The following VCAN variants were observed in gnomAD, a reference collection of about 807,000 sequenced individuals.
The protein encoded by VCAN is versican core protein.
VCAN carries 44 observed loss-of-function variants against 245.5 expected under a neutral mutation model. The ratio of observed to expected loss-of-function variants is 0.18; its 90% CI spans 0.14 to 0.23. VCAN has a LOEUF of 0.23. VCAN is among the 10% of genes least tolerant of loss of function. The probability of loss-of-function intolerance (pLI) is 1.00; values close to 1 mark genes in which losing one functional copy is unlikely to be tolerated. For missense variants in VCAN, 3,793 were observed against 4,057.9 expected (o/e 0.93, Z 1.77); for synonymous variants, 1,413 against 1,437.0 (o/e 0.98, Z 0.38).
intron 12 of VCAN, among the ~76,000 whole-genome samples, chr5:83,559,832 G>A (rs1291903626): frequency 2.6e-5 from 4 of 152,088 alleles, no homozygotes; most frequent in Non-Finnish European, 1.5e-5. Flanking sequence ...ATGATCATCA[G>A]TATACACACA....
intron 12 of VCAN, among the ~76,000 whole-genome samples, chr5:83,562,961 A>G (rs1580070618): frequency 6.6e-6 from 1 of 152,194 alleles, no homozygotes; most frequent in Non-Finnish European, 1.5e-5. Context: ...AGAGCTGGCC[A>G]GATTGTCTTT....
In VCAN at chr5:83,580,538, T is replaced by C. The variant is rs1748638619; in HGVS notation, c.*104T>C. 2 of 1,546,310 alleles carry C rather than the reference T, an allele frequency of 1.3e-6. No individual in the cohort carries two copies. The highest frequency in any genetic ancestry group is 2.4e-5 in the East Asian group (1 of 41,942). ...AGTAATTATCAGTTGGTTTGGATTT[T>C]TGGACCACCGTTCAGTCATTTTGGG... On this transcript the variant is annotated 3_prime_UTR_variant, in exon 15 of 15. Transcript: ENST00000265077.
Position 83,537,234 on chromosome 5 carries a change from A to C in VCAN, c.4231A>C (p.Ile1411Leu), listed in dbSNP as rs1295052308. The C allele has an allele frequency of 1.9e-6, 3 of 1,613,788 alleles. No individual in the cohort carries two copies. The highest frequency in any genetic ancestry group is 2.7e-5 in the African/African-American group (2 of 74,920). Residue 1411 changes from isoleucine (I) to leucine (L), a missense_variant, in exon 8 of 15, where the codon ATA becomes CTA. By Grantham distance (5) the Ile-to-Leu change is conservative. Transcript: ENST00000265077. ...DVTTTPSVQY[I>L]NGKHLVTTVP... Reference sequence around the variant, plus strand: ...GACAACCACCCCATCTGTGCAGTACATAAATGGGAAGCATCTCGTTACCAC... The same window carrying C: ...GACAACCACCCCATCTGTGCAGTACCTAAATGGGAAGCATCTCGTTACCAC...
intron 9 of VCAN, among the ~76,000 whole-genome samples, chr5:83,546,155 T>G (rs1445792942): frequency 6.6e-6 from 1 of 152,034 alleles, no homozygotes; most frequent in Non-Finnish European, 1.5e-5. Flanking sequence ...GCTGTGCAAT[T>G]GCTGTTCCCT....
intron 1 of VCAN, among the ~76,000 whole-genome samples, chr5:83,478,329 G>A (rs1744472404): frequency 6.6e-6 from 1 of 152,208 alleles, no homozygotes; most frequent in South Asian, 2.1e-4. Context: ...TTGTATGAAA[G>A]TAAATAGGTT....
intron 5 of VCAN, among the ~76,000 whole-genome samples, chr5:83,508,176 T>G (rs1434274260): frequency 6.6e-6 from 1 of 152,178 alleles, no homozygotes; most frequent in East Asian, 1.9e-4. Flanking sequence ...TCATACATAT[T>G]TTGCTTTGTA....
chr5:83,487,799 G>A (rs769834934), intron 2 of VCAN, among the ~76,000 whole-genome samples: 10 of 151,966 alleles, frequency 6.6e-5, no homozygotes, highest in Non-Finnish European at 1.2e-4. Context: ...CAGCTGTTTA[G>A]CAATGCTCTA....
At chr5:83,485,719 A>G (rs964013686) in intron 2 of VCAN, among the ~76,000 whole-genome samples, 8 of 151,928 alleles carry the variant, frequency 5.3e-5, no homozygotes, top group Non-Finnish European at 1.2e-4. Context: ...TGTAGTGAGG[A>G]CATGAGAGGA....
chr5:83,491,598 C>G (rs140745233), intron 3 of VCAN, among the ~76,000 whole-genome samples: 11 of 152,218 alleles, frequency 7.2e-5, no homozygotes, highest in Non-Finnish European at 1.3e-4. Context: ...GTTTACGTAT[C>G]ACTTTTTAAA....
chr5:83,520,626 C>T lies in VCAN; in HGVS notation c.2320C>T (p.Pro774Ser). The T allele has an allele frequency of 6.2e-7, 1 of 1,613,964 alleles. No homozygotes were observed. Among genetic ancestry groups the T allele is most frequent in the South Asian group, 1.1e-5 (1 of 91,072 alleles). The change falls in exon 7 of 15, where the codon CCA (proline) becomes TCA (serine). Residue 774 changes from proline (P) to serine (S), a missense_variant. Transcript: ENST00000265077. ...RDMEEDFTAT[P>S]GTTKYDENIT... ...TATGGAGGAAGACTTTACAGCAACT[C>T]CAGGTACTACAAAATATGATGAAAA...
intron 12 of VCAN, 44 bp downstream of exon 12, chr5:83,555,082 A>G (rs777353294): frequency 6.2e-7 from 1 of 1,601,162 alleles, no homozygotes; most frequent in Non-Finnish European, 8.6e-7. Flanking sequence ...CCTTCTGGAA[A>G]TTTGGTACTG....
At chr5:83,579,854 T>C (rs1748607650) in intron 13 of VCAN, 126 bp from the exon 14 acceptor site, 1 of 1,027,102 alleles carries the variant, frequency 9.7e-7, no homozygotes, top group Admixed American at 2.2e-5. Flanking sequence ...ATATTCTTAA[T>C]TCTAAAAGAT....
At chr5:83,475,787 A>C (rs2112330075) in intron 1 of VCAN, among the ~76,000 whole-genome samples, 1 of 152,304 alleles carries the variant, frequency 6.6e-6, no homozygotes, top group East Asian at 1.9e-4. Flanking sequence ...TCTTCTTGTG[A>C]GAAGATTAGG....
At chr5:83,502,143 A>C (rs1745347670) in intron 5 of VCAN, among the ~76,000 whole-genome samples, 1 of 152,136 alleles carries the variant, frequency 6.6e-6, no homozygotes, top group Non-Finnish European at 1.5e-5. Flanking sequence ...TGTATCTTGC[A>C]ACCTTGCTGA....
Position 83,537,215 on chromosome 5 carries a change from C to T in VCAN, c.4212C>T (p.Thr1404=), listed in dbSNP as rs1332180346. 1.2e-6 allele frequency: 2 copies of T among 1,613,608 alleles called. No individual in the cohort carries two copies. The highest frequency in any genetic ancestry group is 1.7e-6 in the Non-Finnish European group (2 of 1,179,898). The part of the protein sequence containing the change: ...EECANATDVT[T]TPSVQYINGK... ...GTGCAAATGCTACTGATGTGACAACCACCCCATCTGTGCAGTACATAAATG... is the reference window on the plus strand; with the variant it reads ...GTGCAAATGCTACTGATGTGACAACTACCCCATCTGTGCAGTACATAAATG... Residue 1404 remains threonine, a synonymous_variant, in exon 8 of 15, where the codon ACC becomes ACT. Coordinates refer to ENST00000265077, the MANE Select transcript of VCAN (RefSeq NM_004385.5).
chr5:83,513,614 C>T (rs760754773), intron 6 of VCAN, among the ~76,000 whole-genome samples: 10 of 152,186 alleles, frequency 6.6e-5, no homozygotes, highest in Non-Finnish European at 1.3e-4. Flanking sequence ...AAGCTGGTCG[C>T]TCCATAAAGA....
At chr5:83,534,828 A>G (rs1746644740) in intron 7 of VCAN, among the ~76,000 whole-genome samples, 1 of 152,112 alleles carries the variant, frequency 6.6e-6, no homozygotes, top group African/African-American at 2.4e-5. Context: ...GCTTCTGCTC[A>G]TATAGTTTAA....
At chr5:83,504,133 TTA>T (rs1459274283) in intron 5 of VCAN, among the ~76,000 whole-genome samples, 2 of 152,184 alleles carry the variant, frequency 1.3e-5, no homozygotes, top group Admixed American at 6.5e-5. Flanking sequence ...CACAATAAAT[TTA>T]GTTTGTGGAA....
At chr5:83,485,192 C>G (rs1289466777) in intron 2 of VCAN, among the ~76,000 whole-genome samples, 1 of 152,172 alleles carries the variant, frequency 6.6e-6, no homozygotes, top group Non-Finnish European at 1.5e-5. Context: ...AGAAGCAAAG[C>G]TTGGAGATGA....
Sources: allele counts gnomAD v4.1 joint callset (sites outside exome capture counted in the v4.1 genomes callset), GRCh38; gene constraint gnomAD v4.1.1; transcripts MANE v1.5; gene names NCBI Gene and HGNC (gene_info 2026-07-23, HGNC 2026-07-21).